ATP6V1H: variants seen among roughly 807,000 people sequenced by gnomAD.
ATP6V1H encodes the protein ATPase H+ transporting V1 subunit H.
Under a neutral mutation model 71.7 loss-of-function variants are expected in ATP6V1H, and 39 were observed. That is an observed-to-expected ratio of 0.54 (90% CI 0.42 to 0.71). ATP6V1H has a LOEUF of 0.71. Ranked by LOEUF, ATP6V1H falls within the 30% of genes least tolerant of loss-of-function variation. The pLI, the probability that ATP6V1H is intolerant of heterozygous loss-of-function variation, is 0.00. For missense variants in ATP6V1H, 509 were observed against 594.9 expected, an observed-to-expected ratio of 0.86 and a Z score of 1.50; for synonymous variants, 192 against 199.3, an observed-to-expected ratio of 0.96 and a Z score of 0.31.
chr8:53,781,344 C>G (rs917228212), intron 9 of ATP6V1H, among the ~76,000 whole-genome samples: 6 of 152,182 alleles, frequency 3.9e-5, no homozygotes, highest in Admixed American at 2.6e-4. Context: ...GTCTTCTTTT[C>G]AGAAGTGTCT....
intron 9 of ATP6V1H, among the ~76,000 whole-genome samples, chr8:53,793,443 A>C (rs879298355): frequency 2.6e-4 from 40 of 152,090 alleles, no homozygotes; most frequent in Non-Finnish European, 5.6e-4. Flanking sequence ...GTTCAACATC[A>C]TCTTGGGCAA....
intron 13 of ATP6V1H, among the ~76,000 whole-genome samples, chr8:53,735,985 A>G (rs1013730423): frequency 6.6e-6 from 1 of 152,162 alleles, no homozygotes. Context: ...CTGAGGAAAC[A>G]ACAAGCCCTG....
chr8:53,809,619 G>A (rs1810207934), intron 7 of ATP6V1H, among the ~76,000 whole-genome samples: 1 of 152,152 alleles, frequency 6.6e-6, no homozygotes, highest in Admixed American at 6.5e-5. Context: ...ACACTGCACA[G>A]AAAATAGCAA....
In ATP6V1H at chr8:53,782,663, A is replaced by G. The variant is rs867093092; in HGVS notation, c.871-10496T>C. Among the ~76,000 whole-genome samples, 36 of 152,232 alleles carry G rather than the reference A, an allele frequency of 2.4e-4. No homozygotes were observed. In the South Asian group the frequency reaches 2.9e-3, roughly 12 times the overall value. ...TTCCAGTTTTTGCCCATTCAGTATG[A>G]TATTGGCTGTGGGTTTCTCATAGAT... is the stretch of plus-strand genomic sequence containing the variant. On this transcript the variant is annotated intron_variant, in intron 9 of 13. Transcript: ENST00000359530.
Position 53,795,085 on chromosome 8 carries a change from G to A in ATP6V1H, c.870+562C>T, listed in dbSNP as rs143542725. Among the ~76,000 whole-genome samples the A allele has an allele frequency of 2.3e-3, 352 of 152,268 alleles. 1 individual carries two copies. The highest frequency in any genetic ancestry group is 7.9e-3 in the African/African-American group (328 of 41,544). ...TGGCTCTCGGTAGCCAATTAGCAAC[G>A]TGAAGTATTAAAACCACCTGGCAAC... On this transcript the variant is annotated intron_variant, in intron 9 of 13. Transcript: ENST00000359530.
chr8:53,736,958 T>C (rs1032423347), intron 13 of ATP6V1H, among the ~76,000 whole-genome samples: 2 of 152,222 alleles, frequency 1.3e-5, no homozygotes, highest in African/African-American at 4.8e-5. Context: ...TTCCAGGCAT[T>C]GTATAAGGAA....
intron 12 of ATP6V1H, 132 bp downstream of exon 12, chr8:53,756,423 A>ATT: frequency 1.5e-6 from 1 of 656,324 alleles, no homozygotes; most frequent in Non-Finnish European, 2.6e-6. Flanking sequence ...AATTCTCACT[A>ATT]TTGTGGCAAT....
chr8:53,730,243 CAT>C (rs1404620508), intron 13 of ATP6V1H, among the ~76,000 whole-genome samples: 1 of 152,240 alleles, frequency 6.6e-6, no homozygotes, highest in East Asian at 1.9e-4. Flanking sequence ...ATCCTTGTCA[CAT>C]GTCTCCTTAT....
At chr8:53,775,059 G>T (rs1048387802) in intron 9 of ATP6V1H, among the ~76,000 whole-genome samples, 1 of 152,204 alleles carries the variant, frequency 6.6e-6, no homozygotes, top group East Asian at 1.9e-4. Flanking sequence ...CGGCGTGTCC[G>T]GAGTTTGTTC....
chr8:53,744,116 A>G (rs1171669815), intron 12 of ATP6V1H, among the ~76,000 whole-genome samples: 1 of 152,144 alleles, frequency 6.6e-6, no homozygotes, highest in Non-Finnish European at 1.5e-5. Flanking sequence ...TGCTGCGTGA[A>G]GATAGGGGCT....
At chr8:53,760,117 AG>A (rs1182179485) in intron 11 of ATP6V1H, among the ~76,000 whole-genome samples, 1 of 152,230 alleles carries the variant, frequency 6.6e-6, no homozygotes, top group African/African-American at 2.4e-5. Flanking sequence ...AGCTGGTGCC[AG>A]GGAACGACAG....
intron 12 of ATP6V1H, among the ~76,000 whole-genome samples, chr8:53,754,719 T>C (rs532236559): frequency 1.8e-4 from 27 of 152,328 alleles, no homozygotes; most frequent in Middle Eastern, 3.4e-3. Context: ...AGGGTGCTCA[T>C]TGTGCCCCTG....
chr8:53,734,781 A>G (rs543871727), intron 13 of ATP6V1H, among the ~76,000 whole-genome samples: 19 of 152,300 alleles, frequency 1.2e-4, no homozygotes, highest in Non-Finnish European at 2.5e-4. Flanking sequence ...ACCGGGCGTC[A>G]GTCACAGCCC....
chr8:53,735,066 T>C (rs1807153851), intron 13 of ATP6V1H, among the ~76,000 whole-genome samples: 1 of 152,186 alleles, frequency 6.6e-6, no homozygotes, highest in Admixed American at 6.5e-5. Context: ...AGCAATGTAT[T>C]ACCTGCCAGC....
At chr8:53,819,190 A>G (rs1810551214) in intron 4 of ATP6V1H, among the ~76,000 whole-genome samples, 1 of 152,120 alleles carries the variant, frequency 6.6e-6, no homozygotes, top group Admixed American at 6.6e-5. Context: ...TGGGTGACAG[A>G]GCAAGACCCT....
chr8:53,752,164 T>A (rs575421883), intron 12 of ATP6V1H, among the ~76,000 whole-genome samples: 38 of 152,308 alleles, frequency 2.5e-4, no homozygotes, highest in African/African-American at 9.1e-4. Context: ...TTCTAAGTGT[T>A]AAAGTTTTAT....
At chr8:53,761,126 G>A (rs1445895812) in intron 11 of ATP6V1H, among the ~76,000 whole-genome samples, 2 of 152,104 alleles carry the variant, frequency 1.3e-5, no homozygotes, top group Admixed American at 6.6e-5. Context: ...CACGAGGTCA[G>A]GAGATCGAGA....
At chr8:53,736,772 A>G (rs554733952) in intron 13 of ATP6V1H, among the ~76,000 whole-genome samples, 26 of 152,306 alleles carry the variant, frequency 1.7e-4, no homozygotes, top group African/African-American at 5.5e-4. Flanking sequence ...CACAGGGGGG[A>G]ATAAGGAAGG....
chr8:53,722,815 C>T (rs775527763), intron 13 of ATP6V1H, among the ~76,000 whole-genome samples: 17 of 152,100 alleles, frequency 1.1e-4, no homozygotes, highest in African/African-American at 3.1e-4. Flanking sequence ...AATCTAACTG[C>T]GGAATTGCTC....
Sources: gnomAD v4.1 joint callset for allele counts (sites outside exome capture counted in the v4.1 genomes callset) on GRCh38, gnomAD v4.1.1 for gene constraint, MANE v1.5 for transcripts, NCBI Gene and HGNC (gene_info 2026-07-23, HGNC 2026-07-21) for gene names.